The following MARCHF1 variants were observed in gnomAD, a reference collection of about 807,000 sequenced individuals.
The protein encoded by MARCHF1 is membrane associated ring-CH-type finger 1, also known as E3 ubiquitin-protein ligase MARCHF1.
A neutral mutation model predicts 54.2 loss-of-function variants in MARCHF1; 40 were observed. That is an observed-to-expected ratio of 0.74 (90% confidence interval 0.57 to 0.96). The LOEUF (loss-of-function observed/expected upper bound fraction) is 0.96, where lower values mean the gene tolerates loss of function less well. Ranked by LOEUF, MARCHF1 falls within the 40% of genes least tolerant of loss-of-function variation. The probability of loss-of-function intolerance (pLI) is 0.00; values close to 1 mark genes in which losing one functional copy is unlikely to be tolerated. For synonymous variants in MARCHF1, 236 were observed against 236.3 expected, an observed-to-expected ratio of 1.00 and a Z score of 0.01; for missense variants, 586 against 656.5, an observed-to-expected ratio of 0.89 and a Z score of 1.17.
At chr4:163,834,555 A>C (rs1749124033) in intron 4 of MARCHF1, among the ~76,000 whole-genome samples, 1 of 148,834 alleles carries the variant, frequency 6.7e-6, no homozygotes. Context: ...GCACCCACTA[A>C]CTCATCATCT....
At chr4:163,596,305 G>T (rs1009297145) in intron 7 of MARCHF1, among the ~76,000 whole-genome samples, 2 of 151,940 alleles carry the variant, frequency 1.3e-5, no homozygotes, top group Non-Finnish European at 2.9e-5. Flanking sequence ...ACTTTGGGAA[G>T]CCGAGGCAGG....
intron 1 of MARCHF1, among the ~76,000 whole-genome samples, chr4:164,381,637 CAG>C (rs1448748641): frequency 1.3e-5 from 2 of 152,184 alleles, no homozygotes; most frequent in Non-Finnish European, 1.5e-5. Flanking sequence ...ATTATCTGAT[CAG>C]AGTTATACAC....
intron 2 of MARCHF1, among the ~76,000 whole-genome samples, chr4:164,108,419 GT>G (rs201639584): frequency 7.3e-5 from 11 of 150,014 alleles, no homozygotes; most frequent in South Asian, 6.3e-4. Context: ...TTCATTCATT[GT>G]TTTTTTTTCT....
At chr4:164,275,160 G>C (rs1446640364) in intron 1 of MARCHF1, among the ~76,000 whole-genome samples, 1 of 151,536 alleles carries the variant, frequency 6.6e-6, no homozygotes, top group East Asian at 1.9e-4. Flanking sequence ...ATAAAATATA[G>C]TAACTACATA....
intron 3 of MARCHF1, among the ~76,000 whole-genome samples, chr4:163,942,355 G>A (rs926150128): frequency 6.6e-6 from 1 of 152,144 alleles, no homozygotes; most frequent in African/African-American, 2.4e-5. Context: ...TAAGAGCACA[G>A]ATATTTCTCT....
chr4:164,369,831 T>C (rs1016112325), intron 1 of MARCHF1, among the ~76,000 whole-genome samples: 1 of 152,126 alleles, frequency 6.6e-6, no homozygotes, highest in African/African-American at 2.4e-5. Context: ...GCCTACACAA[T>C]AGAACCTCAA....
intron 5 of MARCHF1, among the ~76,000 whole-genome samples, chr4:163,616,696 T>C (rs1438604190): frequency 2.0e-5 from 3 of 151,370 alleles, no homozygotes; most frequent in Admixed American, 1.3e-4. Flanking sequence ...CTGGGCAACA[T>C]AGTGAGACCC....
chr4:164,214,976 C>T (rs1300750129), intron 1 of MARCHF1, among the ~76,000 whole-genome samples: 1 of 152,150 alleles, frequency 6.6e-6, no homozygotes, highest in Non-Finnish European at 1.5e-5. Context: ...TCTGACCCCA[C>T]GGCAGTGTCT....
intron 1 of MARCHF1, among the ~76,000 whole-genome samples, chr4:164,153,301 G>A (rs114897503): frequency 0.019 from 2,826 of 151,710 alleles, 82 homozygotes; most frequent in African/African-American, 0.065. Context: ...TCTTTTTATC[G>A]ACTTAAAAAC....
At chr4:163,938,005 T>C (rs1751837534) in intron 3 of MARCHF1, among the ~76,000 whole-genome samples, 1 of 152,166 alleles carries the variant, frequency 6.6e-6, no homozygotes, top group South Asian at 2.1e-4. Context: ...TTTTCCATTA[T>C]ATAAGATAAA....
chr4:164,209,760 A>G (rs992276014), intron 1 of MARCHF1, among the ~76,000 whole-genome samples: 2 of 152,302 alleles, frequency 1.3e-5, no homozygotes, highest in South Asian at 2.1e-4. Context: ...TTCATTTAAC[A>G]TGCATTTGTA....
At chr4:163,813,005 T>C (rs1748435865) in intron 4 of MARCHF1, among the ~76,000 whole-genome samples, 1 of 152,158 alleles carries the variant, frequency 6.6e-6, no homozygotes, top group African/African-American at 2.4e-5. Context: ...TAGGGTATTA[T>C]AGTTAAATGA....
intron 4 of MARCHF1, among the ~76,000 whole-genome samples, chr4:163,750,982 A>G (rs1359420816): frequency 6.6e-6 from 1 of 152,244 alleles, no homozygotes; most frequent in African/African-American, 2.4e-5. Flanking sequence ...CATGATAAAA[A>G]TTATTTTCAA....
At position 163,667,064 on chromosome 4, in the gene MARCHF1, T is replaced by C. The variant is rs181378063; in HGVS notation, c.162+33749A>G. The stretch of plus-strand genomic sequence containing the variant: ...TATTTTTTTTAAAGCTAGTAGTTTG[T>C]TGGGTACAAAATATTTTCTAAAAAA... On this transcript the variant is annotated intron_variant, in intron 5 of 9. Coordinates refer to ENST00000514618, the MANE Select transcript of MARCHF1 (RefSeq NM_001394959.1). Among the ~76,000 whole-genome samples, 45 of 152,258 alleles carry C rather than the reference T, an allele frequency of 3.0e-4. No individual in the cohort carries two copies. The East Asian group carries it at 8.1e-3, about 28-fold the overall frequency.
Position 163,758,744 on chromosome 4 carries a change from G to A in MARCHF1, c.112-57881C>T, listed in dbSNP as rs115426358. Among the ~76,000 whole-genome samples, 294 of 152,226 alleles carry A rather than the reference G, an allele frequency of 1.9e-3. 2 individuals carry two copies. The highest frequency in any genetic ancestry group is 6.6e-3 in the African/African-American group (276 of 41,552). On this transcript the variant is annotated intron_variant, in intron 4 of 9. Transcript: ENST00000514618. ...CACCTTGAAAGATACACTGAATAAC[G>A]TGGGCTTGGTTCTGACCTCCTAAAA...
chr4:164,048,217 A>C (rs1401685202), intron 2 of MARCHF1, among the ~76,000 whole-genome samples: 1 of 152,158 alleles, frequency 6.6e-6, no homozygotes. Context: ...ATCAGCTTAA[A>C]CAAATCAGTA....
chr4:164,115,714 T>C (rs1396424707), intron 1 of MARCHF1, among the ~76,000 whole-genome samples: 1 of 152,128 alleles, frequency 6.6e-6, no homozygotes, highest in East Asian at 1.9e-4. Flanking sequence ...TTATAAATAT[T>C]ATGAATCTGA....
chr4:163,565,721 G>T (rs990146924), intron 8 of MARCHF1, among the ~76,000 whole-genome samples: 1 of 152,196 alleles, frequency 6.6e-6, no homozygotes, highest in African/African-American at 2.4e-5. Context: ...GATTCCAGGA[G>T]TTCTTGCATA....
At chr4:163,944,402 T>C (rs538133357) in intron 3 of MARCHF1, among the ~76,000 whole-genome samples, 263 of 152,338 alleles carry the variant, frequency 1.7e-3, no homozygotes, top group African/African-American at 6.0e-3. Flanking sequence ...CTTCACCTGA[T>C]GTCACACCTT....
Sources: allele counts gnomAD v4.1 joint callset (sites outside exome capture counted in the v4.1 genomes callset), GRCh38; gene constraint gnomAD v4.1.1; transcripts MANE v1.5; gene names NCBI Gene and HGNC (gene_info 2026-07-23, HGNC 2026-07-21).